CSMD3: variants seen among roughly 807,000 people sequenced by gnomAD.
The protein encoded by CSMD3 is CUB and Sushi multiple domains 3.
CSMD3 carries 177 observed loss-of-function variants against 435.2 expected under a neutral mutation model. The ratio of observed to expected loss-of-function variants is 0.41; its 90% CI spans 0.36 to 0.46. The LOEUF is 0.46. Among genes scored for constraint, CSMD3 ranks in the 20% least tolerant of loss-of-function variants. The probability of loss-of-function intolerance (pLI) is 0.34; values close to 1 mark genes in which losing one functional copy is unlikely to be tolerated. For synonymous variants in CSMD3, 1,656 were observed against 1,520.5 expected (o/e 1.09, Z -2.07); for missense variants, 4,265 against 4,504.6 (o/e 0.95, Z 1.52).
At position 112,304,897 on chromosome 8, in the gene CSMD3, A is replaced by G. The variant is rs764576448; in HGVS notation, c.8090T>C (p.Ile2697Thr). Residue 2697 changes from isoleucine (I) to threonine (T), a missense_variant, in exon 52 of 71, where the codon ATC (isoleucine) becomes ACC (threonine). Physicochemically the swap from Ile to Thr is moderately conservative, Grantham distance 89 (BLOSUM62 -1). Transcript: ENST00000297405. ...TCCATGTTCCAAGATAAAGGAATTG[A>G]TGCTTGGACATGTAACAACTATACA... Reference protein sequence around the residue: ...PRCVVVTCPSINSFILEHGRW... With the variant: ...PRCVVVTCPSTNSFILEHGRW... 52 of 1,613,390 alleles carry G rather than the reference A, an allele frequency of 3.2e-5. No homozygotes were observed. Among genetic ancestry groups the G allele is most frequent in the Non-Finnish European group, 4.2e-5 (49 of 1,179,708 alleles).
chr8:112,533,607 T>C (rs929310806), intron 27 of CSMD3, among the ~76,000 whole-genome samples: 8 of 151,706 alleles, frequency 5.3e-5, no homozygotes, highest in Admixed American at 1.3e-4. Context: ...TATCAAAGCA[T>C]CCAAATATTT....
intron 13 of CSMD3, among the ~76,000 whole-genome samples, chr8:112,724,824 CAGG>C (rs2076930960): frequency 6.6e-6 from 1 of 151,928 alleles, no homozygotes; most frequent in African/African-American, 2.4e-5. Context: ...AACAATGTGA[CAGG>C]AGAAAAACCA....
At chr8:113,237,078 C>A (rs1321410812) in intron 3 of CSMD3, among the ~76,000 whole-genome samples, 2 of 152,092 alleles carry the variant, frequency 1.3e-5, no homozygotes, top group African/African-American at 2.4e-5. Context: ...TGTGCAGAAT[C>A]CCAAATATTC....
intron 11 of CSMD3, among the ~76,000 whole-genome samples, chr8:112,831,408 T>C (rs769309642): frequency 2.6e-5 from 4 of 151,886 alleles, no homozygotes; most frequent in Non-Finnish European, 5.9e-5. Context: ...GGTATGTCTC[T>C]AGGCAGTATA....
intron 8 of CSMD3, among the ~76,000 whole-genome samples, chr8:112,951,541 T>C (rs893199589): frequency 1.3e-5 from 2 of 151,834 alleles, no homozygotes; most frequent in Non-Finnish European, 3.0e-5. Context: ...TTTGGATCTT[T>C]TTCTGAACTC....
chr8:113,129,034 A>T (rs1217134084), intron 4 of CSMD3, among the ~76,000 whole-genome samples: 1 of 152,186 alleles, frequency 6.6e-6, no homozygotes. Context: ...TTTGGAAGTA[A>T]TCAGTAGAGG....
chr8:112,417,283 T>A (rs1044009331), intron 32 of CSMD3, among the ~76,000 whole-genome samples: 1 of 152,178 alleles, frequency 6.6e-6, no homozygotes, highest in Non-Finnish European at 1.5e-5. Flanking sequence ...AAGGACTTAA[T>A]CCAGGATTAA....
intron 12 of CSMD3, among the ~76,000 whole-genome samples, chr8:112,823,279 T>C (rs1303076996): frequency 6.6e-6 from 1 of 152,222 alleles, no homozygotes; most frequent in African/African-American, 2.4e-5. Flanking sequence ...TTTTTCTGGT[T>C]GGTACTCTAA....
chr8:113,340,026 T>A (rs2094107329), intron 1 of CSMD3, among the ~76,000 whole-genome samples: 1 of 152,046 alleles, frequency 6.6e-6, no homozygotes, highest in East Asian at 1.9e-4. Flanking sequence ...GCTCATGTCA[T>A]AGTCTTTACT....
intron 30 of CSMD3, among the ~76,000 whole-genome samples, chr8:112,494,677 A>C (rs1259599162): frequency 6.6e-6 from 1 of 152,006 alleles, no homozygotes; most frequent in Admixed American, 6.6e-5. Context: ...CGGAAATTAC[A>C]GTCTCTTAAA....
chr8:113,408,688 C>T (rs1483153140), intron 1 of CSMD3, among the ~76,000 whole-genome samples: 16 of 148,842 alleles, frequency 1.1e-4, no homozygotes, highest in Admixed American at 7.3e-4. Context: ...GAGTCTTGCT[C>T]GCTCTGTTGT....
chr8:113,069,646 A>G (rs1297592792), intron 5 of CSMD3, among the ~76,000 whole-genome samples: 1 of 152,080 alleles, frequency 6.6e-6, no homozygotes, highest in Non-Finnish European at 1.5e-5. Flanking sequence ...GCCTTAGAAG[A>G]AAGATTTCAT....
chr8:113,135,202 T>C (rs1437832114), intron 4 of CSMD3, among the ~76,000 whole-genome samples: 2 of 151,978 alleles, frequency 1.3e-5, no homozygotes, highest in African/African-American at 4.8e-5. Context: ...GATTATAATT[T>C]CCACACTAAC....
intron 6 of CSMD3, among the ~76,000 whole-genome samples, chr8:112,997,975 T>C (rs1157095218): frequency 6.6e-6 from 1 of 151,070 alleles, no homozygotes; most frequent in Non-Finnish European, 1.5e-5. Context: ...TCATTCAGGA[T>C]TTCCTTCCCA....
At chr8:112,703,259 T>C (rs1454061100) in intron 13 of CSMD3, among the ~76,000 whole-genome samples, 1 of 152,060 alleles carries the variant, frequency 6.6e-6, no homozygotes, top group Non-Finnish European at 1.5e-5. Flanking sequence ...TTCTGCTCTT[T>C]TTTTCTTCCC....
At chr8:112,844,744 T>C (rs983308535) in intron 11 of CSMD3, among the ~76,000 whole-genome samples, 2 of 151,954 alleles carry the variant, frequency 1.3e-5, no homozygotes, top group African/African-American at 2.4e-5. Flanking sequence ...ATGCGTTTTC[T>C]GTCACTGACA....
chr8:112,395,934 G>A (rs1830824697), intron 35 of CSMD3, among the ~76,000 whole-genome samples: 1 of 152,004 alleles, frequency 6.6e-6, no homozygotes, highest in South Asian at 2.1e-4. Context: ...AATTAAGAAA[G>A]GCTTGGAACT....
chr8:113,139,498 GT>G (rs2091496789), intron 4 of CSMD3, among the ~76,000 whole-genome samples: 1 of 150,750 alleles, frequency 6.6e-6, no homozygotes, highest in Non-Finnish European at 1.5e-5. Flanking sequence ...TATAATATAT[GT>G]TTTTATATAT....
intron 5 of CSMD3, among the ~76,000 whole-genome samples, chr8:113,092,633 T>C (rs1350377566): frequency 6.6e-6 from 1 of 152,048 alleles, no homozygotes; most frequent in Non-Finnish European, 1.5e-5. Flanking sequence ...ATGACTGCCA[T>C]TTGGGTTTTC....
Sources: allele counts gnomAD v4.1 joint callset (sites outside exome capture counted in the v4.1 genomes callset), GRCh38; gene constraint gnomAD v4.1.1; transcripts MANE v1.5; gene names NCBI Gene and HGNC (gene_info 2026-07-23, HGNC 2026-07-21).